Variants in CDH12 observed in about 807,000 individuals in gnomAD.
The protein encoded by CDH12 is cadherin 12, also known as cadherin-12.
Under a neutral mutation model 74.1 loss-of-function variants are expected in CDH12, and 41 were observed. The observed-to-expected ratio is 0.55, with a 90% confidence interval of 0.43 to 0.72. The LOEUF is 0.72. CDH12 is among the 30% of genes least tolerant of loss of function. The probability of loss-of-function intolerance (pLI) is 0.00; values close to 1 mark genes in which losing one functional copy is unlikely to be tolerated. For synonymous variants in CDH12, 399 were observed against 355.0 expected, an observed-to-expected ratio of 1.12 and a Z score of -1.39; for missense variants, 945 against 977.2, an observed-to-expected ratio of 0.97 and a Z score of 0.44.
chr5:22,598,625 C>T (rs1736711418), intron 1 of CDH12, among the ~76,000 whole-genome samples: 1 of 152,132 alleles, frequency 6.6e-6, no homozygotes, highest in Non-Finnish European at 1.5e-5. Context: ...ATTAATAAAT[C>T]CTCAGAGTTT....
chr5:21,938,251 T>A (rs561639789), intron 6 of CDH12, among the ~76,000 whole-genome samples: 75 of 152,160 alleles, frequency 4.9e-4, no homozygotes, highest in African/African-American at 1.6e-3. Context: ...CTGTTTTGTA[T>A]AAGTTGAGGT....
intron 3 of CDH12, among the ~76,000 whole-genome samples, chr5:22,308,123 G>GCCCACCT (rs923285458): frequency 6.6e-6 from 1 of 151,826 alleles, no homozygotes; most frequent in African/African-American, 2.4e-5. Flanking sequence ...CTCGTGATCT[G>GCCCACCT]CCCACCTCGG....
intron 3 of CDH12, among the ~76,000 whole-genome samples, chr5:22,221,239 C>T (rs1012139113): frequency 4.0e-5 from 6 of 151,806 alleles, no homozygotes; most frequent in South Asian, 2.1e-4. Flanking sequence ...ATTTCAAATA[C>T]GAAAACTAGA....
At chr5:22,134,969 C>A (rs1390291235) in intron 4 of CDH12, among the ~76,000 whole-genome samples, 1 of 152,016 alleles carries the variant, frequency 6.6e-6, no homozygotes, top group Non-Finnish European at 1.5e-5. Flanking sequence ...AAAACCTGCT[C>A]TTTGTAATGG....
At chr5:22,356,884 G>A (rs1031333414) in intron 3 of CDH12, among the ~76,000 whole-genome samples, 11 of 152,076 alleles carry the variant, frequency 7.2e-5, no homozygotes, top group Non-Finnish European at 1.2e-4. Context: ...TTGCTATGGA[G>A]AAAAATACTA....
intron 3 of CDH12, among the ~76,000 whole-genome samples, chr5:22,363,484 G>T (rs1023108998): frequency 2.6e-5 from 4 of 152,224 alleles, no homozygotes; most frequent in African/African-American, 9.6e-5. Context: ...CTATTAAACG[G>T]CATGAAGAAG....
chr5:22,298,208 C>CATATACATATATACGCATTGT (rs1337181169), intron 3 of CDH12, among the ~76,000 whole-genome samples: 1 of 150,986 alleles, frequency 6.6e-6, no homozygotes, highest in Non-Finnish European at 1.5e-5. Context: ...CACATACACT[C>CATATACATATATACGCATTGT]ATATACATAT....
intron 1 of CDH12, among the ~76,000 whole-genome samples, chr5:22,815,030 A>C (rs1749319335): frequency 6.6e-6 from 1 of 152,176 alleles, no homozygotes; most frequent in Non-Finnish European, 1.5e-5. Flanking sequence ...TTAACTGTGC[A>C]CCCAGTGTTT....
At chr5:21,907,932 G>T (rs567586599) in intron 6 of CDH12, among the ~76,000 whole-genome samples, 1 of 152,280 alleles carries the variant, frequency 6.6e-6, no homozygotes, top group African/African-American at 2.4e-5. Context: ...GTTTATACAT[G>T]CCTTCAGCTC....
At chr5:21,982,425 A>G (rs1757343798) in intron 5 of CDH12, among the ~76,000 whole-genome samples, 2 of 151,880 alleles carry the variant, frequency 1.3e-5, no homozygotes, top group Admixed American at 1.3e-4. Flanking sequence ...TCCTTATAAC[A>G]AATCTTTATA....
At chr5:21,898,055 C>A (rs1753205642) in intron 6 of CDH12, among the ~76,000 whole-genome samples, 1 of 151,668 alleles carries the variant, frequency 6.6e-6, no homozygotes, top group African/African-American at 2.4e-5. Context: ...TTCTTAATGA[C>A]AGGCATGACC....
chr5:22,351,015 T>C (rs148342328), intron 3 of CDH12, among the ~76,000 whole-genome samples: 103 of 152,262 alleles, frequency 6.8e-4, no homozygotes, highest in Middle Eastern at 3.4e-3. Flanking sequence ...AAGCTGAAGA[T>C]AATGGAATTC....
At chr5:22,302,271 A>G (rs1177961258) in intron 3 of CDH12, among the ~76,000 whole-genome samples, 3 of 152,114 alleles carry the variant, frequency 2.0e-5, no homozygotes, top group Admixed American at 2.0e-4. Context: ...ACATAGGCAA[A>G]TTAGTGCTTG....
At chr5:22,320,301 T>C (rs1318308908) in intron 3 of CDH12, among the ~76,000 whole-genome samples, 1 of 152,188 alleles carries the variant, frequency 6.6e-6, no homozygotes, top group Non-Finnish European at 1.5e-5. Flanking sequence ...ATATGTCTTA[T>C]TGAACTAATT....
intron 11 of CDH12, among the ~76,000 whole-genome samples, chr5:21,766,350 G>C (rs2149877830): frequency 6.6e-6 from 1 of 151,972 alleles, no homozygotes; most frequent in Admixed American, 6.5e-5. Flanking sequence ...TACCAGGCGT[G>C]CTTATAAAAG....
intron 1 of CDH12, among the ~76,000 whole-genome samples, chr5:22,826,373 C>G (rs1037133815): frequency 1.3e-5 from 2 of 152,066 alleles, no homozygotes; most frequent in Admixed American, 1.3e-4. Flanking sequence ...GTAAATGGCC[C>G]AGTTTCTGGC....
intron 1 of CDH12, among the ~76,000 whole-genome samples, chr5:22,771,863 AC>A (rs1208020879): frequency 6.6e-6 from 1 of 151,964 alleles, no homozygotes; most frequent in Admixed American, 6.6e-5. Flanking sequence ...TGACCTGCCA[AC>A]CTTTGCAATT....
At chr5:22,299,393 T>A (rs79413070) in intron 3 of CDH12, among the ~76,000 whole-genome samples, 607 of 152,328 alleles carry the variant, frequency 4.0e-3, no homozygotes, top group Non-Finnish European at 6.7e-3. Flanking sequence ...AAAGATCAAG[T>A]AGAAATGTTT....
intron 6 of CDH12, among the ~76,000 whole-genome samples, chr5:21,857,679 T>C (rs112039458): frequency 6.9e-4 from 105 of 151,940 alleles, no homozygotes; most frequent in African/African-American, 2.5e-3. Context: ...GCCCACATGA[T>C]ACAAACTCCA....
Sources: allele counts gnomAD v4.1 joint callset (sites outside exome capture counted in the v4.1 genomes callset), GRCh38; gene constraint gnomAD v4.1.1; transcripts MANE v1.5; gene names NCBI Gene and HGNC (gene_info 2026-07-23, HGNC 2026-07-21).